FRY: variants seen among roughly 807,000 people sequenced by gnomAD.
The protein encoded by FRY is protein furry homolog.
Under a neutral mutation model 348.4 loss-of-function variants are expected in FRY, and 128 were observed. The ratio of observed to expected loss-of-function variants is 0.37; its 90% confidence interval spans 0.32 to 0.43. FRY has a LOEUF of 0.43. Ranked by LOEUF, FRY falls within the 20% of genes least tolerant of loss-of-function variation. The probability of loss-of-function intolerance (pLI) is 1.00; values close to 1 mark genes in which losing one functional copy is unlikely to be tolerated. For missense variants in FRY, 2,736 were observed against 3,695.2 expected (o/e 0.74, Z 6.73); for synonymous variants, 1,370 against 1,374.7 (o/e 1.00, Z 0.08).
chr13:32,219,803 G>A (rs1885222001), intron 36 of FRY, among the ~76,000 whole-genome samples: 1 of 152,122 alleles, frequency 6.6e-6, no homozygotes, highest in Admixed American at 6.5e-5. Flanking sequence ...TTGAAGCTTT[G>A]AAATGCTGCT....
At chr13:32,265,265 G>A (rs1311669255) in intron 53 of FRY, among the ~76,000 whole-genome samples, 185 bp from the exon 54 acceptor site, 1 of 152,192 alleles carries the variant, frequency 6.6e-6, no homozygotes, top group East Asian at 1.9e-4. Flanking sequence ...GATAAAGAAT[G>A]AACAGTACTT....
At chr13:32,147,209 G>A (rs1375916033) in intron 11 of FRY, 73 bp from the exon 12 acceptor site, 3 of 914,472 alleles carry the variant, frequency 3.3e-6, no homozygotes, top group Non-Finnish European at 5.4e-6. Context: ...CAGGCCTGCA[G>A]ATAAGAGCCA....
intron 31 of FRY, among the ~76,000 whole-genome samples, chr13:32,204,288 A>G (rs113935848): frequency 0.035 from 5,303 of 151,932 alleles, 108 homozygotes; most frequent in East Asian, 0.087. Context: ...AATTATCACA[A>G]CTACCACCAC....
At chr13:32,084,617 T>C (rs1270882025) in intron 2 of FRY, among the ~76,000 whole-genome samples, 1 of 152,234 alleles carries the variant, frequency 6.6e-6, no homozygotes. Flanking sequence ...AGCTACTGTA[T>C]CATTCTGTCT....
intron 1 of FRY, among the ~76,000 whole-genome samples, chr13:32,039,137 C>T (rs937781802): frequency 1.3e-5 from 2 of 152,160 alleles, no homozygotes; most frequent in African/African-American, 4.8e-5. Flanking sequence ...TTTGTACTTT[C>T]ACTACATCAG....
chr13:32,285,898 A>T (rs186167173), intron 58 of FRY, among the ~76,000 whole-genome samples: 7 of 152,340 alleles, frequency 4.6e-5, no homozygotes, highest in Non-Finnish European at 8.8e-5. Flanking sequence ...AAACCTTTAG[A>T]TGTAAAGTTT....
At chr13:32,099,985 C>T (rs1593611701) in intron 2 of FRY, among the ~76,000 whole-genome samples, 2 of 152,198 alleles carry the variant, frequency 1.3e-5, no homozygotes, top group South Asian at 2.1e-4. Flanking sequence ...TCACCAGTTA[C>T]ACCTAGTAAA....
At chr13:32,073,575 A>G (rs772794028) in intron 1 of FRY, among the ~76,000 whole-genome samples, 2 of 151,992 alleles carry the variant, frequency 1.3e-5, no homozygotes, top group Non-Finnish European at 2.9e-5. Flanking sequence ...GTGTATGCAC[A>G]TGAAATGCTG....
At chr13:32,072,333 TAC>T (rs1412743113) in intron 1 of FRY, among the ~76,000 whole-genome samples, 1 of 152,212 alleles carries the variant, frequency 6.6e-6, no homozygotes, top group Non-Finnish European at 1.5e-5. Flanking sequence ...TATTTTTTTT[TAC>T]ATGATATTCT....
Position 32,117,333 on chromosome 13 carries a change from G to A in FRY, c.325-1G>A. On this transcript the variant is annotated splice_acceptor_variant, in intron 3 of 60. Coordinates refer to ENST00000542859, the MANE Select transcript of FRY (RefSeq NM_023037.3). LOFTEE classifies it high-confidence loss of function. Reference sequence around the variant, plus strand: ...CTAATCACCTGCATTTTCCTCCATAGGTCATCAGCTCAATGAGCTCCCTTT... The same window carrying A: ...CTAATCACCTGCATTTTCCTCCATAAGTCATCAGCTCAATGAGCTCCCTTT... 6.2e-7 allele frequency: 1 copy of A among 1,613,778 alleles called. No individual in the cohort carries two copies. Among genetic ancestry groups the A allele is most frequent in the Non-Finnish European group, 8.5e-7 (1 of 1,179,788 alleles).
rs75826359 is a variant in FRY, at chr13:32,044,197, A to C, written c.70+12332A>C. Among the ~76,000 whole-genome samples the C allele has an allele frequency of 5.4e-3, 821 of 152,358 alleles. 5 individuals carry two copies. The highest frequency in any genetic ancestry group is 0.019 in the African/African-American group (787 of 41,584). On this transcript the variant is annotated intron_variant, in intron 1 of 60. Transcript: ENST00000542859. ...GAAATGCCCTTAATATTTCCCTTAGATACCAAAAGAAAAAAATGTTTTTCT... is the reference window on the plus strand; with the variant it reads ...GAAATGCCCTTAATATTTCCCTTAGCTACCAAAAGAAAAAAATGTTTTTCT...
intron 4 of FRY, among the ~76,000 whole-genome samples, chr13:32,117,781 G>A (rs773340314): frequency 3.9e-5 from 6 of 152,190 alleles, no homozygotes; most frequent in Non-Finnish European, 8.8e-5. Flanking sequence ...TACACCCAAA[G>A]CAGAATGCTG....
At position 32,274,488 on chromosome 13, in the gene FRY, A is replaced by T. The variant is rs1483012564; in HGVS notation, c.8137-354A>T. ...TTTGGGAGGCCGAGGCGGGCGGATC[A>T]CAAGGTCAGATCGAGACCATCCTGG... On this transcript the variant is annotated intron_variant, in intron 55 of 60. Transcript: ENST00000542859. Among the ~76,000 whole-genome samples, 36 of 150,516 alleles carry T rather than the reference A, an allele frequency of 2.4e-4. 1 individual carries two copies. The highest frequency in any genetic ancestry group is 7.9e-4 in the African/African-American group (32 of 40,430).
intron 11 of FRY, among the ~76,000 whole-genome samples, chr13:32,138,777 A>C (rs750826343): frequency 7.9e-5 from 12 of 152,306 alleles, no homozygotes; most frequent in Non-Finnish European, 1.8e-4. Context: ...GGAGTGGGGA[A>C]GGCAATTCTA....
At chr13:32,044,014 G>A (rs1190979547) in intron 1 of FRY, among the ~76,000 whole-genome samples, 2 of 152,024 alleles carry the variant, frequency 1.3e-5, no homozygotes, top group African/African-American at 4.8e-5. Flanking sequence ...GGTCAACACA[G>A]TGAAACCCCA....
intron 50 of FRY, 134 bp downstream of exon 50, chr13:32,252,086 C>A (rs889761918): frequency 9.7e-6 from 7 of 719,670 alleles, no homozygotes; most frequent in Admixed American, 5.8e-5. Flanking sequence ...CTTGAGCAAA[C>A]CCCTGGACTA....
At chr13:32,116,675 T>A (rs549374724) in intron 3 of FRY, among the ~76,000 whole-genome samples, 8 of 152,310 alleles carry the variant, frequency 5.3e-5, no homozygotes, top group African/African-American at 1.7e-4. Context: ...AGTGTTTTTT[T>A]ATAGTAATCA....
Position 32,297,783 on chromosome 13 carries a change from T to C in FRY, c.*2323T>C, listed in dbSNP as rs2072088073. The C allele has an allele frequency of 6.6e-6, 1 of 152,188 alleles. No homozygotes were observed. Among genetic ancestry groups the C allele is most frequent in the African/African-American group, 2.4e-5 (1 of 41,434 alleles). The allele number at this position is 152,188 out of a possible 1,614,324, so 9.4% of individuals were successfully genotyped here. On this transcript the variant is annotated 3_prime_UTR_variant, in exon 61 of 61. Coordinates refer to ENST00000542859, the MANE Select transcript of FRY (RefSeq NM_023037.3). ...TGTGCCTCTGTTACAGAAGCATTAA[T>C]GTTAATTGCCTTCCCCAGGGATACA... is the stretch of plus-strand genomic sequence containing the variant.
intron 4 of FRY, 112 bp downstream of exon 4, chr13:32,117,585 G>A: frequency 9.1e-7 from 1 of 1,102,782 alleles, no homozygotes; most frequent in South Asian, 1.3e-5. Context: ...TCACAAGGAT[G>A]CCTAGCAGGT....
Sources: allele counts gnomAD v4.1 joint callset (sites outside exome capture counted in the v4.1 genomes callset), GRCh38; gene constraint gnomAD v4.1.1; transcripts MANE v1.5; gene names NCBI Gene and HGNC (gene_info 2026-07-23, HGNC 2026-07-21).